The following SMLR1 variants were observed in gnomAD, a reference collection of about 807,000 sequenced individuals.
SMLR1 encodes the protein small leucine-rich protein 1.
SMLR1 carries 3 observed loss-of-function variants against 6.1 expected under a neutral mutation model. That is an observed-to-expected ratio of 0.49 (90% CI 0.22 to 1.28). SMLR1 has a LOEUF of 1.28. SMLR1 is among the 50% of genes most tolerant of loss of function. SMLR1 has a pLI of 0.19. For missense variants in SMLR1, 126 were observed against 124.8 expected, an observed-to-expected ratio of 1.01 and a Z score of -0.05; for synonymous variants, 55 against 53.6, an observed-to-expected ratio of 1.03 and a Z score of -0.11.
At position 130,834,951 on chromosome 6, in the gene SMLR1, C is replaced by A. The variant is rs1017364646; in HGVS notation, c.320C>A (p.Thr107Lys). 6.5e-7 allele frequency: 1 copy of A among 1,534,990 alleles called. No individual in the cohort carries two copies. The highest frequency in any genetic ancestry group is 2.4e-5 in the East Asian group (1 of 40,902). Residue 107 changes from threonine (T) to lysine (K), a missense_variant, in exon 2 of 2, where the codon ACG (threonine) becomes AAG (lysine). By Grantham distance (78) the Thr-to-Lys change is moderately conservative. Transcript: ENST00000541421. ...GSSLYQRMKW[T>K] ...TCCCTGTACCAGAGAATGAAATGGA[C>A]GTGAAGTTGGGGACTTTCCAATAAC...
intron 1 of SMLR1, among the ~76,000 whole-genome samples, chr6:130,832,666 T>C (rs79979255): frequency 0.022 from 3,333 of 152,296 alleles, 63 homozygotes; most frequent in Middle Eastern, 0.082. Context: ...GTAGCTATTA[T>C]TAAAATAGTC....
At chr6:130,830,246 C>T (rs1274592544) in intron 1 of SMLR1, among the ~76,000 whole-genome samples, 2 of 152,098 alleles carry the variant, frequency 1.3e-5, no homozygotes, top group Non-Finnish European at 2.9e-5. Flanking sequence ...TCACCAGAGG[C>T]AGGATCCTCT....
At chr6:130,834,374 T>C (rs1403390997) in intron 1 of SMLR1, among the ~76,000 whole-genome samples, 2 of 152,152 alleles carry the variant, frequency 1.3e-5, no homozygotes, top group African/African-American at 4.8e-5. Flanking sequence ...TTTAATATTT[T>C]AGTAGAGTAG....
chr6:130,834,114 A>G (rs1425264184), intron 1 of SMLR1, among the ~76,000 whole-genome samples: 5 of 152,166 alleles, frequency 3.3e-5, no homozygotes, highest in Non-Finnish European at 7.3e-5. Context: ...TGTACGAGGA[A>G]GATCCCAACG....
chr6:130,827,741 C>T, intron 1 of SMLR1, 90 bp downstream of exon 1: 2 of 888,216 alleles, frequency 2.3e-6, no homozygotes, highest in Non-Finnish European at 3.4e-6. Context: ...TGTTTTCTGG[C>T]CAGGAGAAAC....
At chr6:130,830,528 C>T (rs1384144855) in intron 1 of SMLR1, among the ~76,000 whole-genome samples, 1 of 152,146 alleles carries the variant, frequency 6.6e-6, no homozygotes, top group African/African-American at 2.4e-5. Flanking sequence ...TTACTGCCAA[C>T]CATCTGGAAG....
chr6:130,831,148 T>G (rs1163633454), intron 1 of SMLR1, among the ~76,000 whole-genome samples: 6 of 152,202 alleles, frequency 3.9e-5, no homozygotes, highest in Non-Finnish European at 7.3e-5. Context: ...CTGATGGCAG[T>G]TTTTGTTCTG....
chr6:130,827,941 GTC>G (rs372233759), intron 1 of SMLR1, among the ~76,000 whole-genome samples: 15 of 152,168 alleles, frequency 9.9e-5, no homozygotes, highest in Admixed American at 5.9e-4. Flanking sequence ...ATGGTTGCTT[GTC>G]TCTCTCTCTC....
At chr6:130,828,011 CAG>C (rs1774332169) in intron 1 of SMLR1, among the ~76,000 whole-genome samples, 2 of 152,060 alleles carry the variant, frequency 1.3e-5, no homozygotes, top group African/African-American at 4.8e-5. Flanking sequence ...CTTTACATGA[CAG>C]ATGTGTTTAT....
chr6:130,832,595 T>C (rs1412598238), intron 1 of SMLR1, among the ~76,000 whole-genome samples: 1 of 152,352 alleles, frequency 6.6e-6, no homozygotes, highest in East Asian at 1.9e-4. Context: ...CTGTTAGTCA[T>C]TATTATCCTG....
At position 130,834,857 on chromosome 6, in the gene SMLR1, T is replaced by A; in HGVS notation, c.239-13T>A. ...GATGTCTCCAAATTATTAACTAATA[T>A]TTTTCCTTTCAGTTAATGAAGAACT... On this transcript the variant is annotated splice_polypyrimidine_tract_variant and intron_variant, in intron 1 of 1. Transcript: ENST00000541421. 1.3e-6 allele frequency: 2 copies of A among 1,531,460 alleles called. No homozygotes were observed. The highest frequency in any genetic ancestry group is 1.8e-6 in the Non-Finnish European group (2 of 1,142,836). 94.9% of individuals were successfully genotyped at this position (1,531,460 alleles called of 1,614,324 possible).
chr6:130,832,963 A>G (rs1774511854), intron 1 of SMLR1, among the ~76,000 whole-genome samples: 1 of 152,144 alleles, frequency 6.6e-6, no homozygotes, highest in Admixed American at 6.5e-5. Context: ...GATGATGGTG[A>G]TTCCTCCACA....
chr6:130,827,411 GAC>G lies in SMLR1; in HGVS notation c.-1_1del. On this transcript the variant is annotated 5_prime_UTR_variant, in exon 1 of 2. Transcript: ENST00000541421. ...CAAAGTCCACAAAAAATTCCACTGAGACATGCTGAGCAAAGGCCGGAGCCCCA... is the reference window on the plus strand; with the variant it reads ...CAAAGTCCACAAAAAATTCCACTGAGATGCTGAGCAAAGGCCGGAGCCCCA... 1 of 1,535,688 alleles carries G rather than the reference GAC, an allele frequency of 6.5e-7. No homozygotes were observed.
intron 1 of SMLR1, among the ~76,000 whole-genome samples, chr6:130,833,333 G>A (rs1583398419): frequency 1.3e-5 from 2 of 152,052 alleles, no homozygotes; most frequent in South Asian, 4.1e-4. Flanking sequence ...TCGTTATTCA[G>A]GTCACCCATT....
At chr6:130,829,376 T>C (rs763702238) in intron 1 of SMLR1, among the ~76,000 whole-genome samples, 1 of 152,246 alleles carries the variant, frequency 6.6e-6, no homozygotes, top group Non-Finnish European at 1.5e-5. Context: ...TATGGTATTT[T>C]ATTTAGATAA....
chr6:130,833,551 A>T (rs1383608440), intron 1 of SMLR1, among the ~76,000 whole-genome samples: 2 of 152,144 alleles, frequency 1.3e-5, no homozygotes, highest in Non-Finnish European at 2.9e-5. Context: ...GTGGTCTCTG[A>T]AGTCAGATTG....
Position 130,835,483 on chromosome 6 carries a change from G to A in SMLR1, c.*528G>A, listed in dbSNP as rs1400275850. On this transcript the variant is annotated 3_prime_UTR_variant, in exon 2 of 2. Transcript: ENST00000541421. Reference sequence around the variant, plus strand: ...AGGTATCATTTTTGGACCTGACTTTGCTTCTCTCCTTTTCCTGATTGCTTT... The same window carrying A: ...AGGTATCATTTTTGGACCTGACTTTACTTCTCTCCTTTTCCTGATTGCTTT... 2 of 152,490 alleles carry A rather than the reference G, an allele frequency of 1.3e-5. No individual in the cohort carries two copies. Among genetic ancestry groups the A allele is most frequent in the Non-Finnish European group, 1.5e-5 (1 of 68,300 alleles). The allele number at this position is 152,490 out of a possible 1,614,324, so 9.4% of individuals were successfully genotyped here. A position where few individuals can be genotyped will look rare whatever the true frequency, so the allele number is the denominator to read the frequency against.
At chr6:130,827,923 T>C (rs562894962) in intron 1 of SMLR1, among the ~76,000 whole-genome samples, 14 of 152,308 alleles carry the variant, frequency 9.2e-5, no homozygotes. Flanking sequence ...AATCAGCAAT[T>C]TTGACATATG....
rs1774607830 is a variant in SMLR1, at chr6:130,835,013, G to A, written c.*58G>A. 10 of 1,310,906 alleles carry A rather than the reference G, an allele frequency of 7.6e-6. No individual in the cohort carries two copies. The highest frequency in any genetic ancestry group is 1.8e-4 in the Middle Eastern group (1 of 5,584). The allele number at this position is 1,310,906 out of a possible 1,614,324, so 81.2% of individuals were successfully genotyped here. On this transcript the variant is annotated 3_prime_UTR_variant, in exon 2 of 2. Coordinates refer to ENST00000541421, the MANE Select transcript of SMLR1 (RefSeq NM_001195597.2). ...GAGTTTCTACTGGTCAGCAAGCAAT[G>A]GCCAACAGTTCAGCTAATAAAGTAG...
Sources: allele counts gnomAD v4.1 joint callset (sites outside exome capture counted in the v4.1 genomes callset), GRCh38; gene constraint gnomAD v4.1.1; transcripts MANE v1.5; gene names NCBI Gene and HGNC (gene_info 2026-07-23, HGNC 2026-07-21).